The following TRAK1 variants were observed in gnomAD, a reference collection of about 807,000 sequenced individuals.
TRAK1 encodes the protein trafficking kinesin-binding protein 1.
TRAK1 carries 33 observed loss-of-function variants against 92.1 expected under a neutral mutation model. That is an observed-to-expected ratio of 0.36 (90% CI 0.27 to 0.48). The LOEUF is 0.48. TRAK1 is among the 20% of genes least tolerant of loss of function. The probability of loss-of-function intolerance (pLI) is 0.99; values close to 1 mark genes in which losing one functional copy is unlikely to be tolerated. For synonymous variants in TRAK1, 521 were observed against 517.3 expected (o/e 1.01, Z -0.10); for missense variants, 1,123 against 1,257.9 (o/e 0.89, Z 1.62).
At chr3:42,118,352 A>G (rs577620518) in intron 1 of TRAK1, among the ~76,000 whole-genome samples, 2 of 152,102 alleles carry the variant, frequency 1.3e-5, no homozygotes, top group East Asian at 3.9e-4. Flanking sequence ...TCGGCCTCCC[A>G]AAGTGCTGGG....
chr3:42,074,101 C>CT (rs1355205911), intron 1 of TRAK1, among the ~76,000 whole-genome samples: 1 of 152,144 alleles, frequency 6.6e-6, no homozygotes, highest in Non-Finnish European at 1.5e-5. Context: ...CCATGAGCTC[C>CT]TTTAAGAGCA....
intron 1 of TRAK1, among the ~76,000 whole-genome samples, chr3:42,097,311 T>C (rs937311018): frequency 2.6e-5 from 4 of 152,220 alleles, no homozygotes; most frequent in Non-Finnish European, 5.9e-5. Context: ...AACAAATAAG[T>C]AATGAATGTA....
intron 13 of TRAK1, among the ~76,000 whole-genome samples, chr3:42,205,063 C>G (rs141389176): frequency 6.6e-6 from 1 of 152,270 alleles, no homozygotes; most frequent in Admixed American, 6.5e-5. Context: ...GCCCTGTTTC[C>G]TATTTAGTTG....
At chr3:42,108,618 G>A (rs1301937373) in intron 1 of TRAK1, among the ~76,000 whole-genome samples, 1 of 151,628 alleles carries the variant, frequency 6.6e-6, no homozygotes. Flanking sequence ...GATGGAAGTA[G>A]TTCTTAGCTG....
chr3:42,121,006 C>G (rs927779691), intron 1 of TRAK1, among the ~76,000 whole-genome samples: 15 of 152,166 alleles, frequency 9.9e-5, no homozygotes, highest in African/African-American at 2.9e-4. Flanking sequence ...ATTTCAAGTG[C>G]ACCCTCCTAG....
At position 42,172,625 on chromosome 3, in the gene TRAK1, T is replaced by A. The variant is rs7651497; in HGVS notation, c.287-4189T>A. ...CATTTAATTCCACCCTTCTTAAAGC[T>A]ACTTGTCAGGCTTCGAACCCCCTGA... On this transcript the variant is annotated intron_variant, in intron 2 of 15. Transcript: ENST00000327628. 5.5e-3 allele frequency among the ~76,000 whole-genome samples: 834 copies of A among 152,030 alleles called. 14 individuals are homozygous for A. Among genetic ancestry groups the A allele is most frequent in the African/African-American group, 0.019 (794 of 41,416 alleles).
chr3:42,204,380 C>A (rs1708077516), intron 13 of TRAK1, among the ~76,000 whole-genome samples: 1 of 152,136 alleles, frequency 6.6e-6, no homozygotes, highest in African/African-American at 2.4e-5. Flanking sequence ...TGTGACTTGG[C>A]AGTATTTTTG....
At position 42,193,170 on chromosome 3, in the gene TRAK1, T is replaced by C. The variant is rs1706065534; in HGVS notation, c.865T>C (p.Ser289Pro). ...GCAAGAGGAGATCACACACCTGCTA[T>C]CGCAAATAGTTGATTTGCAGAAAAA... ...RQQEEITHLLSQIVDLQKKAK... is the reference protein window; with the variant it reads ...RQQEEITHLLPQIVDLQKKAK... Residue 289 changes from serine (S) to proline (P), a missense_variant, in exon 8 of 16, where the codon TCG (serine) becomes CCG (proline). By Grantham distance (74) the Ser-to-Pro change is moderately conservative. Around this residue, in one of 3 missense-constraint regions of TRAK1, gnomAD observed 686 missense variants for 747.6 expected, o/e 0.92. Transcript: ENST00000327628. The C allele has an allele frequency of 6.2e-7, 1 of 1,614,104 alleles. No homozygotes were observed. Among genetic ancestry groups the C allele is most frequent in the Non-Finnish European group, 8.5e-7 (1 of 1,180,034 alleles).
chr3:42,121,523 TG>T (rs953376651), intron 1 of TRAK1, among the ~76,000 whole-genome samples: 33 of 152,066 alleles, frequency 2.2e-4, no homozygotes, highest in African/African-American at 8.0e-4. Flanking sequence ...CCTCCCAAAG[TG>T]CTGGGATTAC....
intron 1 of TRAK1, among the ~76,000 whole-genome samples, chr3:42,036,546 AT>A (rs1381077576): frequency 6.6e-6 from 1 of 152,158 alleles, no homozygotes; most frequent in Non-Finnish European, 1.5e-5. Flanking sequence ...TTCCCCACAC[AT>A]TTGTGAACCT....
At chr3:42,067,143 A>C (rs186673290) in intron 1 of TRAK1, among the ~76,000 whole-genome samples, 1 of 152,314 alleles carries the variant, frequency 6.6e-6, no homozygotes, top group East Asian at 1.9e-4. Flanking sequence ...ATTTAAGTCT[A>C]GAATCTGACT....
chr3:42,181,940 C>T (rs1704054062), intron 3 of TRAK1, among the ~76,000 whole-genome samples: 1 of 150,972 alleles, frequency 6.6e-6, no homozygotes, highest in Admixed American at 6.6e-5. Context: ...TGACAAAGGG[C>T]CATGAAATAA....
intron 4 of TRAK1, among the ~76,000 whole-genome samples, chr3:42,186,833 G>A (rs1046693387): frequency 6.6e-6 from 1 of 152,172 alleles, no homozygotes; most frequent in African/African-American, 2.4e-5. Context: ...TCTAGGTGTC[G>A]AAGCTAAAAC....
At chr3:42,113,162 G>A (rs1354634381) in intron 1 of TRAK1, among the ~76,000 whole-genome samples, 1 of 152,192 alleles carries the variant, frequency 6.6e-6, no homozygotes, top group South Asian at 2.1e-4. Context: ...GGGCGGATCA[G>A]TTAAGCCCAG....
intron 1 of TRAK1, among the ~76,000 whole-genome samples, chr3:42,075,674 A>G (rs990357343): frequency 2.0e-5 from 3 of 152,104 alleles, no homozygotes; most frequent in Non-Finnish European, 2.9e-5. Context: ...TGACTTTTTA[A>G]TAGCCATTCT....
At chr3:42,114,278 T>TA (rs1376432003) in intron 1 of TRAK1, among the ~76,000 whole-genome samples, 2 of 152,254 alleles carry the variant, frequency 1.3e-5, no homozygotes, top group African/African-American at 2.4e-5. Context: ...CACGGGTGTA[T>TA]AAATATCTGT....
chr3:42,174,952 CTT>C (rs956478784), intron 2 of TRAK1, among the ~76,000 whole-genome samples: 77 of 152,066 alleles, frequency 5.1e-4, no homozygotes, highest in African/African-American at 1.6e-3. Context: ...AATTCAAAAA[CTT>C]AGCCTTAAAA....
At chr3:42,218,509 C>T in intron 14 of TRAK1, 1 of 878,304 alleles carries the variant, frequency 1.1e-6, no homozygotes, top group Non-Finnish European at 1.4e-6. Context: ...CGGGCAGCAT[C>T]TTTTTTTTTT....
At position 42,202,936 on chromosome 3, in the gene TRAK1, TCTGG is replaced by T; in HGVS notation, c.1744+190_1744+193del. ...TCAGCCTAGGCCTCCGTCCCTCCCC[TCTGG>T]CTGGCAGGTGTGACAATGCACACAT... is the stretch of plus-strand genomic sequence containing the variant. On this transcript the variant is annotated intron_variant, in intron 13 of 15. Coordinates refer to ENST00000327628, the MANE Select transcript of TRAK1 (RefSeq NM_001042646.3). This position sits in a 1 kb window ranked among gnomAD's most constrained non-coding sequence, Gnocchi z 6.1. 2 of 1,402,148 alleles carry T rather than the reference TCTGG, an allele frequency of 1.4e-6. No homozygotes were observed. Among genetic ancestry groups the T allele is most frequent in the East Asian group, 5.2e-5 (2 of 38,780 alleles). The allele number at this position is 1,402,148 out of a possible 1,614,324, so 86.9% of individuals were successfully genotyped here. A position where few individuals can be genotyped will look rare whatever the true frequency, so the allele number is the denominator to read the frequency against.
Sources: allele counts gnomAD v4.1 joint callset (sites outside exome capture counted in the v4.1 genomes callset), GRCh38; gene constraint gnomAD v4.1.1; regional missense constraint gnomAD v4.1.1; non-coding constraint Gnocchi (gnomAD v3.1); transcripts MANE v1.5; gene names NCBI Gene and HGNC (gene_info 2026-07-23, HGNC 2026-07-21).